DNAH8: variants seen among roughly 807,000 people sequenced by gnomAD.
The protein encoded by DNAH8 is axonemal beta dynein heavy chain 8.
Under a neutral mutation model 562.1 loss-of-function variants are expected in DNAH8, and 382 were observed. That is an observed-to-expected ratio of 0.68 (90% CI 0.63 to 0.74). The LOEUF (loss-of-function observed/expected upper bound fraction) is 0.74. Ranked by LOEUF, DNAH8 falls within the 30% of genes least tolerant of loss-of-function variation. The pLI, the probability that DNAH8 is intolerant of heterozygous loss-of-function variation, is 0.00. For missense variants in DNAH8, 5,203 were observed against 5,620.4 expected (o/e 0.93, Z 2.37); for synonymous variants, 1,881 against 1,919.4 (o/e 0.98, Z 0.52).
chr6:38,803,388 G>A, intron 22 of DNAH8, 77 bp downstream of exon 22: 1 of 1,144,286 alleles, frequency 8.7e-7, no homozygotes, highest in Non-Finnish European at 1.2e-6. Flanking sequence ...TGCTTAGCAG[G>A]TACTGAATTC....
intron 76 of DNAH8, among the ~76,000 whole-genome samples, chr6:38,934,225 C>T (rs777874012): frequency 1.1e-4 from 16 of 151,848 alleles, no homozygotes; most frequent in African/African-American, 1.5e-4. Context: ...TGGTGGTGCA[C>T]GCCTGTAGTC....
At chr6:38,861,911 G>T (rs113977429) in intron 43 of DNAH8, among the ~76,000 whole-genome samples, 10 of 149,136 alleles carry the variant, frequency 6.7e-5, no homozygotes, top group African/African-American at 2.2e-4. Context: ...CACAGTGGAA[G>T]AATTTATACA....
At chr6:38,743,007 C>CTTT (rs11340457) in intron 8 of DNAH8, among the ~76,000 whole-genome samples, 3 of 51,978 alleles carry the variant, frequency 5.8e-5, no homozygotes, top group African/African-American at 3.3e-4. Flanking sequence ...TGTTGTTGTG[C>CTTT]TTTTTTTTTT....
intron 92 of DNAH8, among the ~76,000 whole-genome samples, 172 bp downstream of exon 92, chr6:39,026,839 G>C (rs1202224147): frequency 2.6e-5 from 4 of 152,250 alleles, no homozygotes; most frequent in Non-Finnish European, 5.9e-5. Context: ...ATCTGCCAGA[G>C]TGGAAGATTA....
At position 38,912,231 on chromosome 6, in the gene DNAH8, C is replaced by T. The variant is rs76497721; in HGVS notation, c.9859+645C>T. ...GTAATTCCACACTTTGAGAGGCCAA[C>T]GCAAGCGGATCACTTGAGCCCAGGA... On this transcript the variant is annotated intron_variant, in intron 66 of 92. Transcript: ENST00000327475. Among the ~76,000 whole-genome samples the T allele has an allele frequency of 9.9e-5, 15 of 152,184 alleles. No homozygotes were observed. The South Asian group carries it at 1.0e-3, about 11-fold the overall frequency.
intron 85 of DNAH8, 89 bp downstream of exon 85, chr6:38,974,618 G>A (rs976583290): frequency 3.1e-5 from 32 of 1,018,044 alleles, no homozygotes; most frequent in East Asian, 1.7e-4. Context: ...GGTGCTATCC[G>A]TTGCCGCTCT....
chr6:38,932,233 T>C (rs1782612375), intron 76 of DNAH8, among the ~76,000 whole-genome samples: 1 of 127,610 alleles, frequency 7.8e-6, no homozygotes. Context: ...TCTTTCTACT[T>C]CTGTCTTTAA....
intron 12 of DNAH8, among the ~76,000 whole-genome samples, chr6:38,774,540 G>C (rs551870341): frequency 1.3e-5 from 2 of 152,210 alleles, no homozygotes; most frequent in Admixed American, 1.3e-4. Flanking sequence ...CACTGGCTAA[G>C]TTTGAAGGGC....
Position 38,866,838 on chromosome 6 carries a change from G to A in DNAH8, c.6655G>A (p.Val2219Ile), listed in dbSNP as rs368252927. The change falls in exon 47 of 93, where the codon GTT (valine) becomes ATT (isoleucine). Residue 2219 changes from valine (V) to isoleucine (I), a missense_variant. By Grantham distance (29) the Val-to-Ile change is conservative (BLOSUM62 3). Transcript: ENST00000327475. ...TGTTATCTTGGCTCAAAAATTTTAC[G>A]TTCTTTACAAACTCTGTGAAGAGCA... is the stretch of plus-strand genomic sequence containing the variant. ...ENVILAQKFY[V>I]LYKLCEEQLT... is the part of the protein sequence containing the mutation. 1.4e-5 allele frequency: 22 copies of A among 1,612,644 alleles called. No homozygotes were observed. The highest frequency in any genetic ancestry group is 1.8e-5 in the Non-Finnish European group (21 of 1,179,276).
chr6:38,981,028 A>AGTGTGTGTGTGTGT (rs368543739), intron 85 of DNAH8, among the ~76,000 whole-genome samples: 61 of 145,716 alleles, frequency 4.2e-4, no homozygotes, highest in East Asian at 2.0e-3. Context: ...TGAAAACGGC[A>AGTGTGTGTGTGTGT]GTGTGTGTGT....
intron 74 of DNAH8, chr6:38,929,298 A>G (rs549205021): frequency 4.4e-5 from 17 of 387,792 alleles, no homozygotes; most frequent in Non-Finnish European, 6.0e-5. Flanking sequence ...TTGATCATAG[A>G]GACCCCATTA....
At chr6:38,998,853 T>A (rs1765305499) in intron 88 of DNAH8, among the ~76,000 whole-genome samples, 1 of 152,236 alleles carries the variant, frequency 6.6e-6, no homozygotes, top group Non-Finnish European at 1.5e-5. Context: ...TTGTTCTTCA[T>A]CTCAGAGCAT....
At chr6:38,792,062 T>C (rs532437797) in intron 21 of DNAH8, among the ~76,000 whole-genome samples, 1 of 152,202 alleles carries the variant, frequency 6.6e-6, no homozygotes, top group South Asian at 2.1e-4. Flanking sequence ...TCATTTCCTA[T>C]ATCCAGCCAG....
chr6:38,829,447 T>G (rs902727542), intron 30 of DNAH8, among the ~76,000 whole-genome samples: 1 of 152,222 alleles, frequency 6.6e-6, no homozygotes, highest in Non-Finnish European at 1.5e-5. Context: ...TGTTTTCTTA[T>G]GAGAGTTTTA....
intron 13 of DNAH8, 57 bp downstream of exon 13, chr6:38,776,008 T>TCTGGTA: frequency 9.3e-7 from 1 of 1,076,984 alleles, no homozygotes; most frequent in Non-Finnish European, 1.4e-6. Context: ...AGTAGTACTA[T>TCTGGTA]CTGGTACTTT....
rs927593090 is a variant in DNAH8 at position 38,914,055 on chromosome 6, A to T, written c.9963+103A>T. On this transcript the variant is annotated intron_variant, in intron 67 of 92. Transcript: ENST00000327475. ...GAACAAGCAGGGTATAAACCCATGG[A>T]CAATTCCTGATAAGATAGTGTTCAC... 3.7e-6 allele frequency: 3 copies of T among 811,796 alleles called. No individual in the cohort carries two copies. The Admixed American group carries it at 6.4e-5, about 17-fold the overall frequency. The allele number at this position is 811,796 out of a possible 1,614,324, so 50.3% of individuals were successfully genotyped here. A position where few individuals can be genotyped will look rare whatever the true frequency, so the allele number is the denominator to read the frequency against.
chr6:38,913,368 A>G (rs1306682018), intron 66 of DNAH8, among the ~76,000 whole-genome samples: 1 of 152,160 alleles, frequency 6.6e-6, no homozygotes, highest in Non-Finnish European at 1.5e-5. Flanking sequence ...CTTTTTCTCT[A>G]CGGTGCTAAA....
Position 38,989,200 on chromosome 6 carries a change from C to T in DNAH8, c.13054-812C>T, listed in dbSNP as rs546559011. 2.0e-5 allele frequency among the ~76,000 whole-genome samples: 3 copies of T among 152,284 alleles called. No individual in the cohort carries two copies. The East Asian group carries it at 5.8e-4, about 29-fold the overall frequency. The stretch of plus-strand genomic sequence containing the variant: ...CGTCCCTCTTTCCTGTCAAGTGCTC[C>T]GAGTAATTCAGACGTCGTGCCTGCA... On this transcript the variant is annotated intron_variant, in intron 87 of 92. Coordinates refer to ENST00000327475, the MANE Select transcript of DNAH8 (RefSeq NM_001206927.2).
intron 33 of DNAH8, among the ~76,000 whole-genome samples, chr6:38,841,638 T>G (rs1229371512): frequency 6.6e-6 from 1 of 152,206 alleles, no homozygotes; most frequent in Non-Finnish European, 1.5e-5. Flanking sequence ...GTGGTCAATT[T>G]GGTGTTTTAC....
Sources: gnomAD v4.1 joint callset for allele counts (sites outside exome capture counted in the v4.1 genomes callset) on GRCh38, gnomAD v4.1.1 for gene constraint, MANE v1.5 for transcripts, NCBI Gene and HGNC (gene_info 2026-07-23, HGNC 2026-07-21) for gene names.